SLC35F4: variants seen among roughly 807,000 people sequenced by gnomAD.
The protein encoded by SLC35F4 is solute carrier family 35 member F4, also known as chromosome 14 open reading frame 36.
In SLC35F4, 24 loss-of-function variants were observed where a neutral mutation model predicts 44.2. The ratio of observed to expected loss-of-function variants is 0.54; its 90% CI spans 0.39 to 0.76. The LOEUF (loss-of-function observed/expected upper bound fraction) is 0.76. SLC35F4 is among the 30% of genes least tolerant of loss of function. The probability of loss-of-function intolerance (pLI) is 0.00; values close to 1 mark genes in which losing one functional copy is unlikely to be tolerated. For synonymous variants in SLC35F4, 238 were observed against 223.6 expected, an observed-to-expected ratio of 1.06 and a Z score of -0.57; for missense variants, 562 against 586.1, an observed-to-expected ratio of 0.96 and a Z score of 0.42.
chr14:57,923,020 A>G lies in SLC35F4; in HGVS notation n.282+58893T>C, dbSNP rs894383894. On this transcript the variant is annotated intron_variant and non_coding_transcript_variant, in intron 1 of 1. Transcript: ENST00000556568. ...TATATGCTTTATGATATCTCACTTC[A>G]TCCCTATGAGCTATGGTAGGTGCCG... Among the ~76,000 whole-genome samples the G allele has an allele frequency of 1.3e-4, 20 of 152,232 alleles. 1 individual carries two copies. The highest frequency in any genetic ancestry group is 2.1e-4 in the South Asian group (1 of 4,830).
chr14:57,927,531 C>T (rs1889603394), intron 1 of SLC35F4, among the ~76,000 whole-genome samples: 1 of 150,888 alleles, frequency 6.6e-6, no homozygotes, highest in African/African-American at 2.4e-5. Flanking sequence ...CACTCTGTCA[C>T]CCAGGCTGGA....
In SLC35F4 at chr14:57,745,579, A is replaced by G. The variant is rs535571486; in HGVS notation, c.103+120144T>C. Among the ~76,000 whole-genome samples the G allele has an allele frequency of 3.0e-3, 459 of 152,284 alleles. 4 individuals are homozygous for G. Among genetic ancestry groups the G allele is most frequent in the African/African-American group, 0.01 (416 of 41,554 alleles). On this transcript the variant is annotated intron_variant, in intron 1 of 7. Coordinates refer to ENST00000556826, the MANE Select transcript of SLC35F4 (RefSeq NM_001306087.2). ...GAATGGCGATCATTAAAAAGTCAGGAAACAACAGGTGCTGGAGAGGATGTG... is the reference window on the plus strand; with the variant it reads ...GAATGGCGATCATTAAAAAGTCAGGGAACAACAGGTGCTGGAGAGGATGTG...
chr14:57,827,048 T>TATATGC (rs1409175356), intron 1 of SLC35F4, among the ~76,000 whole-genome samples: 1 of 152,036 alleles, frequency 6.6e-6, no homozygotes, highest in Non-Finnish European at 1.5e-5. Flanking sequence ...ATTATAAAGA[T>TATATGC]ATATGCACAC....
intron 2 of SLC35F4, among the ~76,000 whole-genome samples, chr14:57,593,490 A>T (rs374725219): frequency 2.6e-5 from 4 of 152,132 alleles, no homozygotes; most frequent in African/African-American, 9.7e-5. Flanking sequence ...AAAGTATGAA[A>T]CTGGGAATAC....
chr14:57,931,415 T>C (rs1435114727), intron 1 of SLC35F4, among the ~76,000 whole-genome samples: 17 of 152,162 alleles, frequency 1.1e-4, no homozygotes, highest in Non-Finnish European at 1.5e-5. Flanking sequence ...AAAATTACCA[T>C]CTGACAAAGA....
intron 1 of SLC35F4, among the ~76,000 whole-genome samples, chr14:57,717,540 G>A (rs2075975071): frequency 6.6e-6 from 1 of 152,194 alleles, no homozygotes; most frequent in African/African-American, 2.4e-5. Flanking sequence ...GGAGGCTGAG[G>A]CAGGAGAATG....
chr14:57,971,625 T>C (rs1454362858), intron 1 of SLC35F4, among the ~76,000 whole-genome samples: 2 of 152,130 alleles, frequency 1.3e-5, no homozygotes, highest in Non-Finnish European at 2.9e-5. Context: ...CTAAGTAAAA[T>C]AATCTAGACA....
intron 1 of SLC35F4, among the ~76,000 whole-genome samples, chr14:57,815,365 G>C (rs898474713): frequency 3.9e-5 from 6 of 152,088 alleles, no homozygotes; most frequent in Non-Finnish European, 7.4e-5. Context: ...GCCATAAGTT[G>C]GTCATACGGG....
At chr14:57,672,863 G>A (rs918612132) in intron 1 of SLC35F4, among the ~76,000 whole-genome samples, 2 of 151,792 alleles carry the variant, frequency 1.3e-5, no homozygotes, top group Admixed American at 6.6e-5. Context: ...ATCCTTTCAT[G>A]TGAAACAGAG....
chr14:57,646,369 G>A (rs1055389234), intron 1 of SLC35F4, among the ~76,000 whole-genome samples: 5 of 152,128 alleles, frequency 3.3e-5, no homozygotes, highest in Non-Finnish European at 7.4e-5. Context: ...TATGTATGGA[G>A]GAATTTATCC....
intron 1 of SLC35F4, among the ~76,000 whole-genome samples, chr14:57,633,368 G>A (rs967209221): frequency 1.3e-5 from 2 of 152,062 alleles, no homozygotes; most frequent in African/African-American, 4.8e-5. Context: ...AAGAATTCCT[G>A]TTGCTCCACA....
At chr14:57,619,744 T>C (rs1745708) in intron 1 of SLC35F4, among the ~76,000 whole-genome samples, 92,441 of 151,916 alleles carry the variant, frequency 0.61, 30,439 homozygotes, top group Non-Finnish European at 0.74. Flanking sequence ...AAAACTCCTC[T>C]GAGCTAAAGG....
chr14:57,766,807 CT>C (rs1157030443), intron 1 of SLC35F4, among the ~76,000 whole-genome samples: 1 of 152,178 alleles, frequency 6.6e-6, no homozygotes, highest in Non-Finnish European at 1.5e-5. Flanking sequence ...GCCTTCTCCA[CT>C]TAAGCTTTAA....
At chr14:57,802,413 A>G (rs910371480) in intron 1 of SLC35F4, among the ~76,000 whole-genome samples, 1 of 152,150 alleles carries the variant, frequency 6.6e-6, no homozygotes, top group Non-Finnish European at 1.5e-5. Context: ...AACTATAACT[A>G]GAGAACCGAG....
chr14:57,849,433 A>T (rs1886345832), intron 1 of SLC35F4, among the ~76,000 whole-genome samples: 1 of 152,120 alleles, frequency 6.6e-6, no homozygotes, highest in Non-Finnish European at 1.5e-5. Flanking sequence ...AAGTGCTGGG[A>T]TTATAGGCAT....
At chr14:57,677,460 A>C (rs2074732561) in intron 1 of SLC35F4, among the ~76,000 whole-genome samples, 1 of 152,064 alleles carries the variant, frequency 6.6e-6, no homozygotes, top group Admixed American at 6.6e-5. Flanking sequence ...GCTATGCATA[A>C]AGCAAGTATA....
At chr14:57,633,843 G>T (rs1000029500) in intron 1 of SLC35F4, among the ~76,000 whole-genome samples, 7 of 152,096 alleles carry the variant, frequency 4.6e-5, no homozygotes, top group Non-Finnish European at 8.8e-5. Context: ...TACAAGTTGT[G>T]TGTATCAATT....
chr14:57,867,398 G>A (rs1888197212), upstream of SLC35F4, among the ~76,000 whole-genome samples: 1 of 152,162 alleles, frequency 6.6e-6, no homozygotes, highest in Non-Finnish European at 1.5e-5. Flanking sequence ...GGGATCTTGA[G>A]AGTGGAGTCA....
At chr14:57,950,745 T>G (rs1237285709) in intron 1 of SLC35F4, among the ~76,000 whole-genome samples, 1 of 149,696 alleles carries the variant, frequency 6.7e-6, no homozygotes, top group Non-Finnish European at 1.5e-5. Flanking sequence ...CTCAGCTCAT[T>G]TTCACCTCTC....
Sources: allele counts gnomAD v4.1 joint callset (sites outside exome capture counted in the v4.1 genomes callset), GRCh38; gene constraint gnomAD v4.1.1; transcripts MANE v1.5; gene names NCBI Gene and HGNC (gene_info 2026-07-23, HGNC 2026-07-21).